The following CAMK4 variants were observed in gnomAD, a reference collection of about 807,000 sequenced individuals.
CAMK4 encodes the protein calcium/calmodulin-dependent protein kinase type IV.
CAMK4 carries 22 observed loss-of-function variants against 44.9 expected under a neutral mutation model. That is an observed-to-expected ratio of 0.49 (90% CI 0.35 to 0.70). The LOEUF is 0.70. Ranked by LOEUF, CAMK4 falls within the 30% of genes least tolerant of loss-of-function variation. CAMK4 has a pLI of 0.01. For missense variants in CAMK4, 498 were observed against 586.8 expected, an observed-to-expected ratio of 0.85 and a Z score of 1.56; for synonymous variants, 218 against 215.4, an observed-to-expected ratio of 1.01 and a Z score of -0.11.
intron 1 of CAMK4, among the ~76,000 whole-genome samples, chr5:111,251,394 C>A (rs967649192): frequency 6.6e-6 from 1 of 152,066 alleles, no homozygotes; most frequent in African/African-American, 2.4e-5. Context: ...ATATGGGTGT[C>A]CAGGTTGGTC....
chr5:111,456,449 C>T (rs933176485), intron 7 of CAMK4, among the ~76,000 whole-genome samples: 4 of 151,810 alleles, frequency 2.6e-5, no homozygotes, highest in African/African-American at 4.8e-5. Flanking sequence ...CGAGATAGCG[C>T]CACTGCACTC....
chr5:111,258,943 G>A (rs17132983), intron 1 of CAMK4, among the ~76,000 whole-genome samples: 12,008 of 152,168 alleles, frequency 0.079, 766 homozygotes, highest in East Asian at 0.27. Context: ...CCTTAAGGAA[G>A]TAAATCTCAA....
At chr5:111,329,650 C>T (rs1430809321) in intron 1 of CAMK4, among the ~76,000 whole-genome samples, 1 of 151,388 alleles carries the variant, frequency 6.6e-6, no homozygotes, top group Non-Finnish European at 1.5e-5. Flanking sequence ...GGGGATTATC[C>T]CAAGAATGCA....
intron 2 of CAMK4, among the ~76,000 whole-genome samples, chr5:111,371,971 G>C (rs1355812710): frequency 6.6e-6 from 1 of 152,170 alleles, no homozygotes; most frequent in Non-Finnish European, 1.5e-5. Flanking sequence ...TCGTTCACCA[G>C]CTAAGTGATT....
At chr5:111,443,145 A>T (rs1372692717) in intron 5 of CAMK4, among the ~76,000 whole-genome samples, 2 of 148,280 alleles carry the variant, frequency 1.3e-5, no homozygotes, top group Non-Finnish European at 3.0e-5. Context: ...AAAGGTTAGA[A>T]ATTCTATTGG....
At chr5:111,343,084 C>T (rs1189702824) in intron 1 of CAMK4, among the ~76,000 whole-genome samples, 1 of 151,642 alleles carries the variant, frequency 6.6e-6, no homozygotes, top group African/African-American at 2.4e-5. Flanking sequence ...GTGTATATGT[C>T]ATACCTTACC....
intron 4 of CAMK4, among the ~76,000 whole-genome samples, chr5:111,391,130 G>C (rs545828130): frequency 1.3e-4 from 20 of 152,094 alleles, no homozygotes; most frequent in Non-Finnish European, 2.4e-4. Context: ...AAAATCTAAA[G>C]TCCCTTGGGG....
Position 111,328,124 on chromosome 5 carries a change from T to C in CAMK4, c.162-15900T>C, listed in dbSNP as rs1224491868. On this transcript the variant is annotated intron_variant, in intron 1 of 10. Coordinates refer to ENST00000282356, the MANE Select transcript of CAMK4 (RefSeq NM_001744.6). ...GAATGGTATTGCCTAGGTTTTTTTC[T>C]AGGGTTTTTATGGTTTTAGGTCTAA... Among the ~76,000 whole-genome samples, 11 of 142,898 alleles carry C rather than the reference T, an allele frequency of 7.7e-5. No individual in the cohort carries two copies. In the East Asian group the frequency reaches 1.4e-3, roughly 19 times the overall value. 93.7% of individuals were successfully genotyped at this position (142,898 alleles called of 152,430 possible).
intron 2 of CAMK4, among the ~76,000 whole-genome samples, chr5:111,353,855 A>G (rs1250388927): frequency 6.6e-6 from 1 of 152,136 alleles, no homozygotes; most frequent in Non-Finnish European, 1.5e-5. Context: ...AAGCACACAA[A>G]TAAATGGAAA....
At chr5:111,230,924 A>C (rs965239612) in intron 1 of CAMK4, among the ~76,000 whole-genome samples, 1 of 152,120 alleles carries the variant, frequency 6.6e-6, no homozygotes, top group Non-Finnish European at 1.5e-5. Flanking sequence ...TCATACTGCA[A>C]AATATGGTGT....
chr5:111,253,294 G>C (rs1749599580), intron 1 of CAMK4, among the ~76,000 whole-genome samples: 1 of 152,164 alleles, frequency 6.6e-6, no homozygotes, highest in Non-Finnish European at 1.5e-5. Flanking sequence ...CCATGGAGAA[G>C]ACTCAGAGCT....
upstream of CAMK4, chr5:111,224,300 A>T: frequency 1.2e-6 from 1 of 837,336 alleles, no homozygotes; most frequent in African/African-American, 1.8e-5. This position sits in a 1 kb window ranked among gnomAD's most constrained non-coding sequence, Gnocchi z 5.7. Context: ...GCCCTCTCGC[A>T]GAGGCTCGCC....
rs1003559418 is a variant in CAMK4, at chr5:111,487,485, C to T, written c.*3019C>T. ...CGTGGTAGAAGTTAATTGTCCAGAA[C>T]AAGTGCATTATATAAATATAATGCA... On this transcript the variant is annotated 3_prime_UTR_variant, in exon 11 of 11. Transcript: ENST00000282356. 4 of 152,140 alleles carry T rather than the reference C, an allele frequency of 2.6e-5. No individual in the cohort carries two copies. In the South Asian group the frequency reaches 8.3e-4, roughly 32 times the overall value. 9.4% of individuals were successfully genotyped at this position (152,140 alleles called of 1,614,324 possible). A position where few individuals can be genotyped will look rare whatever the true frequency, so the allele number is the denominator to read the frequency against.
chr5:111,283,348 A>C (rs1051810010), intron 1 of CAMK4, among the ~76,000 whole-genome samples: 1 of 152,352 alleles, frequency 6.6e-6, no homozygotes, highest in Non-Finnish European at 1.5e-5. Context: ...AAGAAAAATT[A>C]ATTAAGATAT....
chr5:111,295,598 A>G (rs1207236204), intron 1 of CAMK4, among the ~76,000 whole-genome samples: 2 of 152,250 alleles, frequency 1.3e-5, no homozygotes, highest in Non-Finnish European at 2.9e-5. Context: ...GTTTTAGGGA[A>G]AAGCTATAAT....
At chr5:111,481,531 C>A (rs1047817163) in intron 9 of CAMK4, among the ~76,000 whole-genome samples, 2 of 152,136 alleles carry the variant, frequency 1.3e-5, no homozygotes, top group Non-Finnish European at 2.9e-5. Context: ...TTTGACTTGC[C>A]GCCTGATTTC....
At chr5:111,372,033 C>G (rs1751026881) in intron 2 of CAMK4, among the ~76,000 whole-genome samples, 1 of 152,136 alleles carries the variant, frequency 6.6e-6, no homozygotes, top group Non-Finnish European at 1.5e-5. Context: ...AGGCAAAATT[C>G]TAAATTGCTA....
At chr5:111,341,759 A>T (rs1471495926) in intron 1 of CAMK4, among the ~76,000 whole-genome samples, 1 of 151,162 alleles carries the variant, frequency 6.6e-6, no homozygotes, top group Non-Finnish European at 1.5e-5. Flanking sequence ...AGGTACTGTT[A>T]TTTTTTCCAT....
intron 1 of CAMK4, among the ~76,000 whole-genome samples, chr5:111,229,637 G>A (rs776287394): frequency 2.0e-5 from 3 of 152,138 alleles, no homozygotes; most frequent in Non-Finnish European, 4.4e-5. Context: ...CATGCTTTAG[G>A]GCCCCATGGC....
Sources: gnomAD v4.1 joint callset for allele counts (sites outside exome capture counted in the v4.1 genomes callset) on GRCh38, gnomAD v4.1.1 for gene constraint, Gnocchi (gnomAD v3.1) non-coding constraint, MANE v1.5 for transcripts, NCBI Gene and HGNC (gene_info 2026-07-23, HGNC 2026-07-21) for gene names.